The following LRMDA variants were observed in gnomAD, a reference collection of about 807,000 sequenced individuals.
The protein encoded by LRMDA is leucine-rich melanocyte differentiation-associated protein.
In LRMDA, 18 loss-of-function variants were observed where a neutral mutation model predicts 29.8. The observed-to-expected ratio is 0.60, with a 90% confidence interval of 0.42 to 0.90. The LOEUF (loss-of-function observed/expected upper bound fraction) is 0.90. LRMDA is among the 40% of genes least tolerant of loss of function. LRMDA has a pLI of 0.00. For missense variants in LRMDA, 273 were observed against 273.9 expected, an observed-to-expected ratio of 1.00 and a Z score of 0.02; for synonymous variants, 125 against 109.4, an observed-to-expected ratio of 1.14 and a Z score of -0.89.
intron 2 of LRMDA, among the ~76,000 whole-genome samples, chr10:75,919,464 G>A (rs143515532): frequency 1.1e-3 from 162 of 152,236 alleles, no homozygotes; most frequent in African/African-American, 3.8e-3. Context: ...CCTGTGCACC[G>A]CCACTCGTTG....
chr10:75,593,640 G>A (rs1840749633), intron 2 of LRMDA, among the ~76,000 whole-genome samples: 1 of 152,232 alleles, frequency 6.6e-6, no homozygotes, highest in South Asian at 2.1e-4. Context: ...AATTTGCACA[G>A]GCTTCATCCC....
chr10:76,075,351 A>T (rs2132073475), intron 5 of LRMDA, among the ~76,000 whole-genome samples: 1 of 152,360 alleles, frequency 6.6e-6, no homozygotes, highest in Non-Finnish European at 1.5e-5. Flanking sequence ...CAGAGAGATG[A>T]CCAAGTAAAG....
intron 2 of LRMDA, among the ~76,000 whole-genome samples, chr10:75,942,104 TTCTTTGGC>T (rs1846401730): frequency 6.6e-6 from 1 of 152,172 alleles, no homozygotes; most frequent in Admixed American, 6.5e-5. Context: ...GGTCTTCTTC[TTCTTTGGC>T]TCCTCTGACT....
At chr10:76,068,324 G>A (rs1364439848) in intron 5 of LRMDA, among the ~76,000 whole-genome samples, 5 of 152,168 alleles carry the variant, frequency 3.3e-5, no homozygotes, top group African/African-American at 1.2e-4. Context: ...GCAAAGTTGT[G>A]GAGAAGATAA....
chr10:75,447,386 C>T (rs780323040), intron 2 of LRMDA, among the ~76,000 whole-genome samples: 6 of 151,844 alleles, frequency 4.0e-5, no homozygotes, highest in East Asian at 1.9e-4. Flanking sequence ...ATTAGCAGGG[C>T]GTGGTGGTGG....
At chr10:75,802,364 C>T (rs1843768275) in intron 2 of LRMDA, among the ~76,000 whole-genome samples, 1 of 150,356 alleles carries the variant, frequency 6.7e-6, no homozygotes, top group African/African-American at 2.4e-5. Flanking sequence ...CACACACACA[C>T]ACAATAGGGA....
intron 5 of LRMDA, among the ~76,000 whole-genome samples, chr10:76,256,717 G>T (rs985982019): frequency 1.3e-5 from 2 of 152,038 alleles, no homozygotes; most frequent in African/African-American, 4.8e-5. Flanking sequence ...GACTATTATT[G>T]TTAATATTTA....
At chr10:76,449,439 C>T (rs979347824) in intron 6 of LRMDA, among the ~76,000 whole-genome samples, 14 of 151,682 alleles carry the variant, frequency 9.2e-5, no homozygotes, top group African/African-American at 3.4e-4. Context: ...TATATTGTTG[C>T]TATCATTGTT....
At position 75,750,321 on chromosome 10, in the gene LRMDA, C is replaced by T. The variant is rs533591670; in HGVS notation, c.132-285687C>T. On this transcript the variant is annotated intron_variant, in intron 2 of 6. Coordinates refer to ENST00000611255, the MANE Select transcript of LRMDA (RefSeq NM_001305581.2). ...GGCTGCCCCCCACCTCCCTCCCGGA[C>T]GGGGCAGCTGCTGGGCGGAGGGGCT... Among the ~76,000 whole-genome samples, 32 of 151,828 alleles carry T rather than the reference C, an allele frequency of 2.1e-4. No homozygotes were observed. In the East Asian group the frequency reaches 2.2e-3, roughly 10 times the overall value.
At chr10:76,434,355 T>C (rs892646558) in intron 6 of LRMDA, among the ~76,000 whole-genome samples, 1 of 151,984 alleles carries the variant, frequency 6.6e-6, no homozygotes, top group Non-Finnish European at 1.5e-5. Context: ...TTTTCTTCCT[T>C]TCTCTCCCCT....
intron 5 of LRMDA, among the ~76,000 whole-genome samples, chr10:76,162,357 G>C (rs1564671614): frequency 6.6e-6 from 1 of 152,158 alleles, no homozygotes; most frequent in Non-Finnish European, 1.5e-5. Context: ...CTATGAATTT[G>C]GGCAATTTAT....
At chr10:76,091,884 G>T (rs1343942434) in intron 5 of LRMDA, among the ~76,000 whole-genome samples, 1 of 152,152 alleles carries the variant, frequency 6.6e-6, no homozygotes, top group Non-Finnish European at 1.5e-5. Flanking sequence ...TATAGATGGG[G>T]TCTATGTTGC....
At chr10:76,523,668 C>A (rs964103196) in intron 6 of LRMDA, among the ~76,000 whole-genome samples, 1 of 152,180 alleles carries the variant, frequency 6.6e-6, no homozygotes, top group Non-Finnish European at 1.5e-5. Context: ...CGTTCAGGCA[C>A]AAGTTTCTGT....
At chr10:75,466,750 G>A (rs4384335) in intron 2 of LRMDA, among the ~76,000 whole-genome samples, 143,838 of 152,184 alleles carry the variant, frequency 0.95, 68,064 homozygotes, top group East Asian at 0.98. Flanking sequence ...AAGCCCTTTC[G>A]TCACAGAAAG....
intron 2 of LRMDA, among the ~76,000 whole-genome samples, chr10:75,809,821 G>A (rs1467094982): frequency 3.3e-5 from 5 of 152,174 alleles, no homozygotes; most frequent in African/African-American, 7.2e-5. Flanking sequence ...GGAGGTCAGC[G>A]AAGGCTTTCC....
intron 5 of LRMDA, among the ~76,000 whole-genome samples, chr10:76,219,581 A>G (rs1329683794): frequency 2.0e-5 from 3 of 152,244 alleles, no homozygotes; most frequent in Non-Finnish European, 4.4e-5. Flanking sequence ...CTAAATATAT[A>G]TGCACCTAAT....
At chr10:75,839,834 G>A (rs962534452) in intron 2 of LRMDA, among the ~76,000 whole-genome samples, 1 of 147,154 alleles carries the variant, frequency 6.8e-6, no homozygotes. Context: ...TCAGCCTCCC[G>A]AGTAGCTGGG....
Position 76,363,159 on chromosome 10 carries a change from A to AGGG in LRMDA, c.601+38674_601+38675insGGG, listed in dbSNP as rs1564520594. 1.0e-3 allele frequency among the ~76,000 whole-genome samples: 42 copies of AGGG among 41,760 alleles called. 1 individual carries two copies. Among genetic ancestry groups the AGGG allele is most frequent in the Admixed American group, 2.1e-3 (9 of 4,280 alleles). 27.4% of individuals were successfully genotyped at this position (41,760 alleles called of 152,430 possible). ...AAAGAAAGAAAGAAAGAAAGAAAGA[A>AGGG]AGAAAGAAAGAAAGAAAGGAGGGAG... On this transcript the variant is annotated intron_variant, in intron 6 of 6. Coordinates refer to ENST00000611255, the MANE Select transcript of LRMDA (RefSeq NM_001305581.2).
chr10:75,830,582 C>T lies in LRMDA; in HGVS notation c.132-205426C>T, dbSNP rs1844323561. ...TGCAGAGAAACTTCTGTCTTTAAAA[C>T]CATCAGATCTTGTGAGGCCCATTCA... On this transcript the variant is annotated intron_variant, in intron 2 of 6. Transcript: ENST00000611255. 2.0e-5 allele frequency among the ~76,000 whole-genome samples: 3 copies of T among 151,086 alleles called. No individual in the cohort carries two copies. The South Asian group carries it at 6.2e-4, about 31-fold the overall frequency.
Sources: gnomAD v4.1 joint callset for allele counts (sites outside exome capture counted in the v4.1 genomes callset) on GRCh38, gnomAD v4.1.1 for gene constraint, MANE v1.5 for transcripts, NCBI Gene and HGNC (gene_info 2026-07-23, HGNC 2026-07-21) for gene names.